The following TUSC3 variants were observed in gnomAD, a reference collection of about 807,000 sequenced individuals.
TUSC3 encodes the protein dolichyl-diphosphooligosaccharide--protein glycosyltransferase subunit TUSC3.
In TUSC3, 45 loss-of-function variants were observed where a neutral mutation model predicts 44.8. That is an observed-to-expected ratio of 1.00 (90% CI 0.79 to 1.29). The LOEUF (loss-of-function observed/expected upper bound fraction) is 1.29, where lower values mean the gene tolerates loss of function less well. Ranked by LOEUF, TUSC3 falls within the 50% of genes most tolerant of loss-of-function variation. The pLI is 0.00. For synonymous variants in TUSC3, 212 were observed against 152.9 expected (o/e 1.39, Z -2.85); for missense variants, 519 against 437.9 (o/e 1.19, Z -1.65).
At chr8:15,478,671 C>T (rs763149060) in intron 1 of TUSC3, among the ~76,000 whole-genome samples, 13 of 152,090 alleles carry the variant, frequency 8.5e-5, no homozygotes, top group Non-Finnish European at 1.6e-4. Context: ...TTTCTTTATC[C>T]AGGCTATTAC....
At chr8:15,571,076 C>T (rs1481885819) in intron 1 of TUSC3, among the ~76,000 whole-genome samples, 1 of 149,606 alleles carries the variant, frequency 6.7e-6, no homozygotes, top group Non-Finnish European at 1.5e-5. Context: ...CCTGCCCCAG[C>T]CAGAGTAGCT....
chr8:15,694,435 CAA>C (rs146718595), intron 6 of TUSC3, among the ~76,000 whole-genome samples: 2,034 of 83,206 alleles, frequency 0.024, 37 homozygotes, highest in African/African-American at 0.1. Flanking sequence ...AAACTCCATC[CAA>C]AAAAAAAAAA....
At chr8:15,776,462 G>A in the TUSC3 span, among the ~76,000 whole-genome samples, 1 of 151,992 alleles carries the variant, frequency 6.6e-6, no homozygotes, top group Non-Finnish European at 1.5e-5. Flanking sequence ...TGTCAGTTAT[G>A]TTTTCAATGT....
At chr8:15,661,780 A>G (rs751794638) in intron 4 of TUSC3, among the ~76,000 whole-genome samples, 2 of 143,530 alleles carry the variant, frequency 1.4e-5, no homozygotes, top group Admixed American at 7.2e-5. Context: ...ATTTTTCTAT[A>G]AGATACTTAC....
At chr8:15,805,823 G>C in the TUSC3 span, among the ~76,000 whole-genome samples, 1 of 152,088 alleles carries the variant, frequency 6.6e-6, no homozygotes, top group Non-Finnish European at 1.5e-5. Context: ...AAGCTGGCTT[G>C]ATAGAATGAG....
the TUSC3 span, among the ~76,000 whole-genome samples, chr8:15,811,780 G>A: frequency 6.6e-6 from 1 of 152,126 alleles, no homozygotes; most frequent in Admixed American, 6.6e-5. Context: ...AAGGTTAAAA[G>A]AACCATCTGG....
chr8:15,673,292 G>A (rs540663186), intron 5 of TUSC3, among the ~76,000 whole-genome samples: 3 of 151,962 alleles, frequency 2.0e-5, no homozygotes, highest in Non-Finnish European at 2.9e-5. Flanking sequence ...AGGTACTTAC[G>A]GAGATTTAAG....
At chr8:15,813,466 C>T in the TUSC3 span, among the ~76,000 whole-genome samples, 1 of 149,626 alleles carries the variant, frequency 6.7e-6, no homozygotes, top group African/African-American at 2.5e-5. Context: ...CCTGTAAGTT[C>T]TGATACTGGT....
At chr8:15,631,668 TTGTGTGTGTGTGTGTGTGTGTGTGTG>T (rs147004169) in intron 2 of TUSC3, among the ~76,000 whole-genome samples, 4 of 145,114 alleles carry the variant, frequency 2.8e-5, no homozygotes, top group Admixed American at 2.1e-4. Context: ...TTTAAGGCTG[TTGTGTGTGTGTGTGTGTGTGTGTGTG>T]TGTGTGTGTG....
intron 1 of TUSC3, among the ~76,000 whole-genome samples, chr8:15,465,311 T>G (rs988009706): frequency 2.0e-5 from 3 of 152,166 alleles, no homozygotes; most frequent in Non-Finnish European, 4.4e-5. Context: ...AACTGCCATG[T>G]GGAAAACAGC....
At position 15,663,731 on chromosome 8, in the gene TUSC3, A is replaced by C. The variant is rs74654464; in HGVS notation, c.708+1435A>C. On this transcript the variant is annotated intron_variant, in intron 5 of 10. Coordinates refer to ENST00000503731, the MANE Select transcript of TUSC3 (RefSeq NM_006765.4). ...TGGATTAATTAATTGTACTGTATTTAAAGTTATTGGACACTATGGATGATC... is the reference window on the plus strand; with the variant it reads ...TGGATTAATTAATTGTACTGTATTTCAAGTTATTGGACACTATGGATGATC... Among the ~76,000 whole-genome samples the C allele has an allele frequency of 4.1e-3, 627 of 152,020 alleles. 5 individuals carry two copies. The highest frequency in any genetic ancestry group is 0.014 in the African/African-American group (597 of 41,510).
At chr8:15,553,623 A>G (rs1161394814) in intron 1 of TUSC3, among the ~76,000 whole-genome samples, 1 of 151,696 alleles carries the variant, frequency 6.6e-6, no homozygotes, top group Non-Finnish European at 1.5e-5. Flanking sequence ...CTTCGGATTT[A>G]GCAAGAACGG....
the TUSC3 span, among the ~76,000 whole-genome samples, chr8:15,810,682 C>T: frequency 1.3e-5 from 2 of 152,038 alleles, no homozygotes; most frequent in Non-Finnish European, 1.5e-5. Context: ...AATATTTTAT[C>T]CCCAAATATA....
At chr8:15,551,333 TTC>T (rs1209710566) in intron 1 of TUSC3, among the ~76,000 whole-genome samples, 34 of 151,766 alleles carry the variant, frequency 2.2e-4, no homozygotes, top group Non-Finnish European at 4.3e-4. Flanking sequence ...TTATGGTAGT[TTC>T]TCTATATATC....
chr8:15,819,962 AG>A, the TUSC3 span, among the ~76,000 whole-genome samples: 1 of 152,172 alleles, frequency 6.6e-6, no homozygotes, highest in African/African-American at 2.4e-5. Context: ...CCCAGATTAA[AG>A]GCAGTTATTA....
chr8:15,768,043 C>G (rs1812375790), downstream of TUSC3, among the ~76,000 whole-genome samples: 1 of 152,150 alleles, frequency 6.6e-6, no homozygotes, highest in Admixed American at 6.6e-5. Context: ...TATTTACACC[C>G]AGACCAAACA....
At chr8:15,800,570 T>A in the TUSC3 span, among the ~76,000 whole-genome samples, 1 of 149,814 alleles carries the variant, frequency 6.7e-6, no homozygotes, top group Non-Finnish European at 1.5e-5. Flanking sequence ...TGAGACCCTG[T>A]CTTTAAAAAA....
intron 2 of TUSC3, among the ~76,000 whole-genome samples, chr8:15,487,341 G>C (rs1204471441): frequency 1.3e-5 from 2 of 152,040 alleles, no homozygotes; most frequent in East Asian, 3.9e-4. Flanking sequence ...TCCTCCTTCT[G>C]CTGTGTTCAT....
chr8:15,754,445 G>A lies in TUSC3; in HGVS notation c.1029-3346G>A, dbSNP rs187869422. ...TACATGTTGCAGAGATCAACTGCTA[G>A]TACAGACACACATTCTTCTTCACAG... On this transcript the variant is annotated intron_variant, in intron 9 of 10. Transcript: ENST00000503731. 4.9e-3 allele frequency among the ~76,000 whole-genome samples: 749 copies of A among 152,238 alleles called. 6 individuals are homozygous for A. The highest frequency in any genetic ancestry group is 7.7e-3 in the Non-Finnish European group (525 of 67,976).
Sources: allele counts gnomAD v4.1 joint callset (sites outside exome capture counted in the v4.1 genomes callset), GRCh38; gene constraint gnomAD v4.1.1; transcripts MANE v1.5; gene names NCBI Gene and HGNC (gene_info 2026-07-23, HGNC 2026-07-21).